Variants in ACSBG1 observed in about 807,000 individuals in gnomAD.
The protein encoded by ACSBG1 is acyl-CoA synthetase bubblegum family member 1.
Under a neutral mutation model 80.2 loss-of-function variants are expected in ACSBG1, and 39 were observed. The ratio of observed to expected loss-of-function variants is 0.49; its 90% confidence interval spans 0.38 to 0.64. The LOEUF (loss-of-function observed/expected upper bound fraction) is 0.64. ACSBG1 is among the 30% of genes least tolerant of loss of function. The pLI, the probability that ACSBG1 is intolerant of heterozygous loss-of-function variation, is 0.00. For missense variants in ACSBG1, 828 were observed against 966.4 expected, an observed-to-expected ratio of 0.86 and a Z score of 1.90; for synonymous variants, 392 against 379.5, an observed-to-expected ratio of 1.03 and a Z score of -0.38.
intron 1 of ACSBG1, among the ~76,000 whole-genome samples, chr15:78,209,639 G>A (rs940066318): frequency 1.1e-4 from 17 of 152,110 alleles, no homozygotes; most frequent in African/African-American, 2.9e-4. Context: ...GACGGCAAAC[G>A]AGGGACACGT....
intron 2 of ACSBG1, among the ~76,000 whole-genome samples, chr15:78,198,300 C>G (rs2075133362): frequency 6.6e-6 from 1 of 152,132 alleles, no homozygotes; most frequent in Non-Finnish European, 1.5e-5. Context: ...CTTGGCCTCC[C>G]AAAGTGCTGG....
intron 1 of ACSBG1, among the ~76,000 whole-genome samples, chr15:78,229,447 G>A (rs1034849130): frequency 7.2e-5 from 11 of 152,134 alleles, no homozygotes; most frequent in Non-Finnish European, 1.0e-4. Context: ...ATTGCCCCTC[G>A]TAGGCTAGCA....
intron 11 of ACSBG1, among the ~76,000 whole-genome samples, chr15:78,175,909 T>C (rs1192074190): frequency 2.0e-5 from 3 of 151,702 alleles, no homozygotes; most frequent in Admixed American, 6.6e-5. Context: ...ATTCCTGCCC[T>C]TTTCTCCTCA....
intron 1 of ACSBG1, among the ~76,000 whole-genome samples, chr15:78,224,414 T>A (rs1186732443): frequency 2.0e-5 from 3 of 152,168 alleles, no homozygotes; most frequent in Non-Finnish European, 4.4e-5. Flanking sequence ...CTACAAAAAA[T>A]GCTGTAGAAA....
At chr15:78,194,863 CTG>C (rs1473143990) in intron 2 of ACSBG1, 137 bp from the exon 3 acceptor site, 2 of 741,626 alleles carry the variant, frequency 2.7e-6, no homozygotes, top group Admixed American at 2.8e-5. Context: ...CCAGGGTAGA[CTG>C]GGGTAGACTG....
chr15:78,192,406 C>T (rs1042071041), intron 5 of ACSBG1, among the ~76,000 whole-genome samples: 3 of 152,132 alleles, frequency 2.0e-5, no homozygotes, highest in South Asian at 2.1e-4. Context: ...GGCCTTTGTA[C>T]GTCTATCCAG....
intron 5 of ACSBG1, among the ~76,000 whole-genome samples, 168 bp downstream of exon 5, chr15:78,193,338 T>C (rs1365033720): frequency 1.3e-5 from 2 of 152,206 alleles, no homozygotes; most frequent in East Asian, 3.9e-4. Flanking sequence ...GCCTGTCAAA[T>C]GGGTAAGTAG....
chr15:78,179,259 C>A (rs1366102733), intron 10 of ACSBG1, among the ~76,000 whole-genome samples: 2 of 152,130 alleles, frequency 1.3e-5, no homozygotes, highest in African/African-American at 2.4e-5. Flanking sequence ...AGGGAGGGGC[C>A]AGAGGAAAAC....
intron 2 of ACSBG1, among the ~76,000 whole-genome samples, chr15:78,199,783 C>T (rs990995048): frequency 6.6e-6 from 1 of 151,966 alleles, no homozygotes; most frequent in Admixed American, 6.6e-5. Flanking sequence ...AGGTGTGAGC[C>T]ACTGCGTCCA....
At chr15:78,232,225 T>C (rs953522671) in intron 1 of ACSBG1, among the ~76,000 whole-genome samples, 1 of 152,220 alleles carries the variant, frequency 6.6e-6, no homozygotes, top group Non-Finnish European at 1.5e-5. Flanking sequence ...GTTGTATATT[T>C]ATTTGTACAG....
intron 1 of ACSBG1, 31 bp from the exon 2 acceptor site, chr15:78,208,133 T>C: frequency 6.3e-7 from 1 of 1,577,702 alleles, no homozygotes. Context: ...GGAAAAACAT[T>C]CATTAGAACG....
chr15:78,234,452 C>T lies in ACSBG1; in HGVS notation c.50G>A (p.Ser17Asn). 1 of 1,612,988 alleles carries T rather than the reference C, an allele frequency of 6.2e-7. No individual in the cohort carries two copies. The highest frequency in any genetic ancestry group is 8.5e-7 in the Non-Finnish European group (1 of 1,180,030). Residue 17 changes from serine (S) to asparagine (N), a missense_variant, in exon 1 of 14, where the codon AGC becomes AAC. By Grantham distance (46) the Ser-to-Asn change is conservative. Transcript: ENST00000258873. ...AGYGCPHGDPSMLDSRETPQE... is the reference protein window; with the variant it reads ...AGYGCPHGDPNMLDSRETPQE... ...TGGGGTCTCTCTGCTGTCCAGCATG[C>T]TGGGGTCCCCGTGTGGGCAGCCGTA...
intron 1 of ACSBG1, among the ~76,000 whole-genome samples, chr15:78,215,756 A>AAGAAAGAAAGAAAG (rs1555434035): frequency 6.6e-6 from 1 of 150,488 alleles, no homozygotes; most frequent in African/African-American, 2.4e-5. Flanking sequence ...GAAAGAAAGA[A>AAGAAAGAAAGAAAG]AGAAAGAAAG....
intron 2 of ACSBG1, chr15:78,207,770 C>T: frequency 1.8e-6 from 1 of 544,868 alleles, no homozygotes; most frequent in Non-Finnish European, 3.3e-6. Context: ...TCCCAGCTTT[C>T]TTGAAGAAGA....
chr15:78,219,452 A>G (rs1462389781), intron 1 of ACSBG1, among the ~76,000 whole-genome samples: 1 of 151,884 alleles, frequency 6.6e-6, no homozygotes, highest in Admixed American at 6.6e-5. Flanking sequence ...AATAGTAGAA[A>G]CTATTCAATC....
Position 78,171,003 on chromosome 15 carries a change from G to C in ACSBG1, c.*441C>G, listed in dbSNP as rs541635711. ...CGGCGATGCCCGCCAAGATTCCAGA[G>C]TAAGTCAGGTCGCTAGGTGAGTTGT... is the stretch of plus-strand genomic sequence containing the variant. On this transcript the variant is annotated 3_prime_UTR_variant, in exon 14 of 14. Coordinates refer to ENST00000258873, the MANE Select transcript of ACSBG1 (RefSeq NM_015162.5). 1.3e-5 allele frequency: 2 copies of C among 154,100 alleles called. No individual in the cohort carries two copies. The highest frequency in any genetic ancestry group is 4.8e-5 in the African/African-American group (2 of 41,614). 9.5% of individuals were successfully genotyped at this position (154,100 alleles called of 1,614,324 possible).
intron 1 of ACSBG1, among the ~76,000 whole-genome samples, chr15:78,218,021 C>A (rs1009060294): frequency 2.2e-4 from 33 of 152,046 alleles, no homozygotes; most frequent in African/African-American, 8.0e-4. Context: ...TAATTTCAGC[C>A]CAAAGCAAAG....
intron 2 of ACSBG1, among the ~76,000 whole-genome samples, chr15:78,195,595 G>C (rs1024552770): frequency 6.6e-5 from 10 of 152,164 alleles, no homozygotes; most frequent in Non-Finnish European, 1.2e-4. Context: ...CAGTTCTCAG[G>C]GTGGACATGA....
At chr15:78,217,226 G>A (rs981035225) in intron 1 of ACSBG1, among the ~76,000 whole-genome samples, 8 of 152,300 alleles carry the variant, frequency 5.3e-5, no homozygotes, top group African/African-American at 4.8e-5. Context: ...CCAGCACTGC[G>A]TCTCAGACAA....
Sources: gnomAD v4.1 joint callset for allele counts (sites outside exome capture counted in the v4.1 genomes callset) on GRCh38, gnomAD v4.1.1 for gene constraint, MANE v1.5 for transcripts, NCBI Gene and HGNC (gene_info 2026-07-23, HGNC 2026-07-21) for gene names.